Variants in GPC6 observed in about 807,000 individuals in gnomAD.
GPC6 encodes glypican 6, also known as glypican-6.
A neutral mutation model predicts 55.2 loss-of-function variants in GPC6; 14 were observed. The ratio of observed to expected loss-of-function variants is 0.25; its 90% CI spans 0.17 to 0.40. GPC6 has a LOEUF of 0.40. Ranked by LOEUF, GPC6 falls within the 10% of genes least tolerant of loss-of-function variation. GPC6 has a pLI of 1.00. For synonymous variants in GPC6, 278 were observed against 259.6 expected (o/e 1.07, Z -0.68); for missense variants, 641 against 708.5 (o/e 0.90, Z 1.08).
At chr13:93,325,357 T>C (rs1418178069) in intron 1 of GPC6, among the ~76,000 whole-genome samples, 1 of 152,198 alleles carries the variant, frequency 6.6e-6, no homozygotes, top group African/African-American at 2.4e-5. Flanking sequence ...GAAGGGTACA[T>C]GCAATGCATT....
intron 4 of GPC6, among the ~76,000 whole-genome samples, chr13:94,277,436 T>C (rs1470564050): frequency 6.6e-6 from 1 of 152,228 alleles, no homozygotes; most frequent in African/African-American, 2.4e-5. Flanking sequence ...TTACTTTAAT[T>C]AGATCCCATT....
intron 4 of GPC6, among the ~76,000 whole-genome samples, chr13:94,038,532 A>G (rs1461001503): frequency 1.3e-5 from 2 of 151,940 alleles, no homozygotes; most frequent in Admixed American, 1.3e-4. Flanking sequence ...TCACTGCATG[A>G]GTTTGAATCC....
chr13:93,223,466 CAG>C (rs1304867937), upstream of GPC6, among the ~76,000 whole-genome samples: 1 of 151,912 alleles, frequency 6.6e-6, no homozygotes, highest in African/African-American at 2.4e-5. Flanking sequence ...TTTTTTGAGA[CAG>C]AGTCTCACTC....
intron 2 of GPC6, among the ~76,000 whole-genome samples, chr13:93,649,021 T>C (rs1215123707): frequency 6.6e-6 from 1 of 152,190 alleles, no homozygotes; most frequent in African/African-American, 2.4e-5. Flanking sequence ...TAATGGCATA[T>C]AATAAATTCA....
intron 1 of GPC6, among the ~76,000 whole-genome samples, chr13:93,321,100 C>CT (rs1879423027): frequency 6.6e-6 from 1 of 151,546 alleles, no homozygotes. Context: ...AATGGACAGT[C>CT]TATTTAAAAC....
chr13:93,743,998 T>C (rs1884299637), intron 2 of GPC6, among the ~76,000 whole-genome samples: 1 of 152,212 alleles, frequency 6.6e-6, no homozygotes. Flanking sequence ...TAATTTTGTA[T>C]ATATTGAATT....
rs1880816282 is a variant in GPC6 at position 93,355,543 on chromosome 13, G to C, written c.160+127927G>C. 2.0e-5 allele frequency among the ~76,000 whole-genome samples: 3 copies of C among 152,162 alleles called. No individual in the cohort carries two copies. The South Asian group carries it at 6.2e-4, about 31-fold the overall frequency. On this transcript the variant is annotated intron_variant, in intron 1 of 8. Coordinates refer to ENST00000377047, the MANE Select transcript of GPC6 (RefSeq NM_005708.5). ...AAATGAGCAGATGAACTCCCATGGAGAGATCCACAATAGAACAGTTTGGGA... is the reference window on the plus strand; with the variant it reads ...AAATGAGCAGATGAACTCCCATGGACAGATCCACAATAGAACAGTTTGGGA...
At chr13:94,326,987 A>G (rs1272646246) in intron 6 of GPC6, among the ~76,000 whole-genome samples, 1 of 152,216 alleles carries the variant, frequency 6.6e-6, no homozygotes, top group East Asian at 1.9e-4. Flanking sequence ...TTTTATCAAC[A>G]ATAACGTTCT....
intron 3 of GPC6, among the ~76,000 whole-genome samples, chr13:93,960,315 C>T (rs1406646103): frequency 6.6e-6 from 1 of 152,212 alleles, no homozygotes; most frequent in Non-Finnish European, 1.5e-5. Flanking sequence ...GTTTGACTCA[C>T]TGATCTATAT....
At chr13:93,940,537 T>C (rs1309982014) in intron 3 of GPC6, among the ~76,000 whole-genome samples, 2 of 151,988 alleles carry the variant, frequency 1.3e-5, no homozygotes, top group Non-Finnish European at 2.9e-5. Context: ...AAATACCAGG[T>C]ACAAGAAATA....
chr13:93,320,375 T>G (rs1879394744), intron 1 of GPC6, among the ~76,000 whole-genome samples: 1 of 151,766 alleles, frequency 6.6e-6, no homozygotes, highest in South Asian at 2.1e-4. Flanking sequence ...TTTTAAATGT[T>G]TAGCTATTTA....
At chr13:93,269,233 T>G (rs1276548314) in intron 1 of GPC6, among the ~76,000 whole-genome samples, 1 of 152,092 alleles carries the variant, frequency 6.6e-6, no homozygotes, top group Non-Finnish European at 1.5e-5. Flanking sequence ...TGTCACAAGT[T>G]TGGAAATAAT....
At position 93,957,211 on chromosome 13, in the gene GPC6, A is replaced by G. The variant is rs369956249; in HGVS notation, c.712-70518A>G. Among the ~76,000 whole-genome samples the G allele has an allele frequency of 5.7e-4, 87 of 152,348 alleles. 2 individuals are homozygous for G. The East Asian group carries it at 0.014, about 25-fold the overall frequency. ...ATTTACTATTTAAATATTAATAGAA[A>G]TAAACTACTTTTATGCTGCCCTCTG... On this transcript the variant is annotated intron_variant, in intron 3 of 8. Transcript: ENST00000377047.
At chr13:93,787,738 A>G (rs2138916769) in intron 2 of GPC6, among the ~76,000 whole-genome samples, 1 of 152,290 alleles carries the variant, frequency 6.6e-6, no homozygotes, top group Middle Eastern at 3.4e-3. Context: ...AATGTTAGCT[A>G]TTATCACCCT....
At chr13:94,208,824 C>CGGGAGGAT (rs1046197351) in intron 4 of GPC6, among the ~76,000 whole-genome samples, 4 of 147,490 alleles carry the variant, frequency 2.7e-5, no homozygotes. Flanking sequence ...GACGCTGAAG[C>CGGGAGGAT]GGGAGGATCC....
At chr13:93,646,704 CATTA>C (rs957130924) in intron 2 of GPC6, among the ~76,000 whole-genome samples, 3 of 152,006 alleles carry the variant, frequency 2.0e-5, no homozygotes, top group African/African-American at 7.2e-5. Flanking sequence ...TTCATTAAAA[CATTA>C]ATTAGTTCCT....
chr13:93,279,983 C>G (rs1877893776), intron 1 of GPC6, among the ~76,000 whole-genome samples: 1 of 152,126 alleles, frequency 6.6e-6, no homozygotes, highest in African/African-American at 2.4e-5. Flanking sequence ...TGGGAAATGC[C>G]TAGCCTGACG....
At chr13:93,992,313 A>T (rs1206387952) in intron 3 of GPC6, among the ~76,000 whole-genome samples, 1 of 152,026 alleles carries the variant, frequency 6.6e-6, no homozygotes, top group Non-Finnish European at 1.5e-5. Context: ...TTAAAATCAC[A>T]ATCTACTGTA....
intron 2 of GPC6, among the ~76,000 whole-genome samples, chr13:93,635,074 A>G (rs1441789949): frequency 6.6e-6 from 1 of 152,048 alleles, no homozygotes; most frequent in African/African-American, 2.4e-5. Context: ...CTATCTTTGT[A>G]TATATTTTAA....
Sources: gnomAD v4.1 joint callset for allele counts (sites outside exome capture counted in the v4.1 genomes callset) on GRCh38, gnomAD v4.1.1 for gene constraint, MANE v1.5 for transcripts, NCBI Gene and HGNC (gene_info 2026-07-23, HGNC 2026-07-21) for gene names.